The following CSMD1 variants were observed in gnomAD, a reference collection of about 807,000 sequenced individuals.
CSMD1 encodes CUB and sushi domain-containing protein 1.
A neutral mutation model predicts 417.5 loss-of-function variants in CSMD1; 213 were observed. That is an observed-to-expected ratio of 0.51 (90% CI 0.46 to 0.57). The LOEUF (loss-of-function observed/expected upper bound fraction) is 0.57, where lower values mean the gene tolerates loss of function less well. CSMD1 is among the 20% of genes least tolerant of loss of function. CSMD1 has a pLI of 0.00. For synonymous variants in CSMD1, 2,862 were observed against 1,736.8 expected (o/e 1.65, Z -16.11); for missense variants, 6,923 against 4,529.7 (o/e 1.53, Z -15.17).
At chr8:3,755,109 G>A (rs1347073954) in intron 5 of CSMD1, among the ~76,000 whole-genome samples, 1 of 152,134 alleles carries the variant, frequency 6.6e-6, no homozygotes, top group Non-Finnish European at 1.5e-5. Context: ...GCTTACTAAG[G>A]AATAAAAGCA....
At chr8:4,217,482 G>A (rs369777008) in intron 3 of CSMD1, among the ~76,000 whole-genome samples, 3 of 152,084 alleles carry the variant, frequency 2.0e-5, no homozygotes, top group African/African-American at 4.8e-5. Context: ...CACAGGTAAG[G>A]GTCACATGAC....
chr8:4,403,099 G>A (rs751515783), intron 3 of CSMD1, among the ~76,000 whole-genome samples: 2 of 151,876 alleles, frequency 1.3e-5, no homozygotes, highest in South Asian at 2.1e-4. Flanking sequence ...CCAAAGTGCT[G>A]GGATTACAGG....
chr8:3,953,315 T>A (rs1370980833), intron 5 of CSMD1, among the ~76,000 whole-genome samples: 1 of 152,178 alleles, frequency 6.6e-6, no homozygotes, highest in Non-Finnish European at 1.5e-5. Flanking sequence ...AATAAAAGAT[T>A]ATTTAGCATA....
At chr8:3,397,174 C>A (rs372989743) in intron 16 of CSMD1, among the ~76,000 whole-genome samples, 1 of 152,128 alleles carries the variant, frequency 6.6e-6, no homozygotes. Context: ...AGAGCTAACC[C>A]GGTTTCTGAG....
chr8:4,738,044 TG>T lies in CSMD1; in HGVS notation c.86-100487del, dbSNP rs1286933842. Among the ~76,000 whole-genome samples the T allele has an allele frequency of 3.9e-5, 6 of 152,222 alleles. No individual in the cohort carries two copies. In the East Asian group the frequency reaches 1.2e-3, roughly 29 times the overall value. ...GGAGAATGAGAGAGAATAAGAAAAG[TG>T]GTAATAGTAAAAACAAAGATAAGAT... On this transcript the variant is annotated intron_variant, in intron 1 of 69. Transcript: ENST00000635120.
intron 1 of CSMD1, among the ~76,000 whole-genome samples, chr8:4,811,272 T>A (rs189881387): frequency 6.6e-6 from 1 of 152,312 alleles, no homozygotes; most frequent in Non-Finnish European, 1.5e-5. Flanking sequence ...TTTAACCTGC[T>A]TAAATTAGGA....
At chr8:3,139,481 T>A (rs1488755071) in intron 41 of CSMD1, among the ~76,000 whole-genome samples, 1 of 152,162 alleles carries the variant, frequency 6.6e-6, no homozygotes, top group Non-Finnish European at 1.5e-5. Flanking sequence ...AAAGGAAGTG[T>A]GCCTCCAGGG....
intron 1 of CSMD1, among the ~76,000 whole-genome samples, chr8:4,732,625 C>T (rs1331257095): frequency 6.6e-6 from 1 of 152,144 alleles, no homozygotes; most frequent in Non-Finnish European, 1.5e-5. Flanking sequence ...GACACTAAAT[C>T]AAGGCCCCTG....
intron 37 of CSMD1, among the ~76,000 whole-genome samples, chr8:3,171,833 G>C (rs1820600567): frequency 6.6e-6 from 1 of 152,062 alleles, no homozygotes; most frequent in South Asian, 2.1e-4. Context: ...CCATTATTTG[G>C]GAATAGAGGA....
In CSMD1 at chr8:3,273,393, C is replaced by G. The variant is rs1257505060; in HGVS notation, c.4153+10751G>C. On this transcript the variant is annotated intron_variant, in intron 26 of 69. Coordinates refer to ENST00000635120, the MANE Select transcript of CSMD1 (RefSeq NM_033225.6). The stretch of plus-strand genomic sequence containing the variant: ...ATCAAGGATATTGGTCTAAAATTCT[C>G]TTTTTTGGTTGTGTCTCTGCCAGGC... Among the ~76,000 whole-genome samples, 20 of 152,108 alleles carry G rather than the reference C, an allele frequency of 1.3e-4. No individual in the cohort carries two copies. In the East Asian group the frequency reaches 3.7e-3, roughly 28 times the overall value.
At chr8:4,318,530 G>C (rs1002985891) in intron 3 of CSMD1, among the ~76,000 whole-genome samples, 1 of 152,004 alleles carries the variant, frequency 6.6e-6, no homozygotes, top group Non-Finnish European at 1.5e-5. Flanking sequence ...AGTAAGTACT[G>C]ATTAATAAAG....
intron 7 of CSMD1, among the ~76,000 whole-genome samples, chr8:3,681,083 T>C (rs956809684): frequency 1.3e-5 from 2 of 152,176 alleles, no homozygotes; most frequent in African/African-American, 2.4e-5. Context: ...GCCAATATCA[T>C]ACTGAATGGG....
intron 3 of CSMD1, among the ~76,000 whole-genome samples, chr8:4,047,513 G>A (rs752707762): frequency 2.2e-5 from 3 of 134,894 alleles, no homozygotes; most frequent in Non-Finnish European, 3.3e-5. Context: ...GCAACATTGT[G>A]ATATGTCATT....
At chr8:3,508,802 C>G (rs1006475080) in intron 10 of CSMD1, among the ~76,000 whole-genome samples, 1 of 152,188 alleles carries the variant, frequency 6.6e-6, no homozygotes, top group Admixed American at 6.5e-5. Context: ...ACCACCTACG[C>G]TTTTCCCATT....
At chr8:3,155,109 ATAAGT>A (rs72105478) in intron 39 of CSMD1, among the ~76,000 whole-genome samples, 18,220 of 152,038 alleles carry the variant, frequency 0.12, 1,477 homozygotes, top group African/African-American at 0.23. Flanking sequence ...TTTTGCAAAT[ATAAGT>A]TAATTCTTTG....
intron 5 of CSMD1, among the ~76,000 whole-genome samples, chr8:3,840,821 A>G (rs1396308297): frequency 2.0e-5 from 3 of 151,418 alleles, no homozygotes; most frequent in African/African-American, 7.3e-5. Context: ...TCAACCTTCC[A>G]AGTAGCTGGG....
chr8:4,581,078 A>G (rs1330723620), intron 2 of CSMD1, among the ~76,000 whole-genome samples: 1 of 152,204 alleles, frequency 6.6e-6, no homozygotes, highest in Non-Finnish European at 1.5e-5. Context: ...TTACATGACT[A>G]CATTTTAAGG....
intron 1 of CSMD1, among the ~76,000 whole-genome samples, chr8:4,681,147 G>A (rs928716332): frequency 2.0e-5 from 3 of 152,294 alleles, no homozygotes; most frequent in Admixed American, 6.5e-5. Context: ...ACATAGGCAT[G>A]AATGGCCAAC....
At chr8:3,872,848 AAAAG>A (rs1209496227) in intron 5 of CSMD1, among the ~76,000 whole-genome samples, 7 of 151,972 alleles carry the variant, frequency 4.6e-5, no homozygotes, top group African/African-American at 7.2e-5. Flanking sequence ...CCAAAAAAAA[AAAAG>A]AAAGAAAAAA....
Sources: allele counts gnomAD v4.1 joint callset (sites outside exome capture counted in the v4.1 genomes callset), GRCh38; gene constraint gnomAD v4.1.1; transcripts MANE v1.5; gene names NCBI Gene and HGNC (gene_info 2026-07-23, HGNC 2026-07-21).